Variants in DOCK3 observed in about 807,000 individuals in gnomAD.
DOCK3 encodes dedicator of cytokinesis protein 3.
Under a neutral mutation model 265.6 loss-of-function variants are expected in DOCK3, and 60 were observed. The observed-to-expected ratio is 0.23, with a 90% confidence interval of 0.18 to 0.28. The LOEUF (loss-of-function observed/expected upper bound fraction) is 0.28. DOCK3 is among the 10% of genes least tolerant of loss of function. The pLI is 1.00. For missense variants in DOCK3, 1,981 were observed against 2,594.3 expected (o/e 0.76, Z 5.14); for synonymous variants, 881 against 938.0 (o/e 0.94, Z 1.11).
intron 21 of DOCK3, among the ~76,000 whole-genome samples, chr3:51,239,268 G>A (rs2078489915): frequency 6.6e-6 from 1 of 151,038 alleles, no homozygotes; most frequent in Non-Finnish European, 1.5e-5. Flanking sequence ...GGAGTAGAGT[G>A]GCGCAATCTT....
intron 1 of DOCK3, among the ~76,000 whole-genome samples, chr3:50,735,060 A>G (rs2108164442): frequency 6.6e-6 from 1 of 152,260 alleles, no homozygotes; most frequent in Admixed American, 6.5e-5. Flanking sequence ...CCTTTGTTTC[A>G]GAAAGACAGC....
chr3:51,140,815 A>C (rs1222099382), intron 9 of DOCK3, among the ~76,000 whole-genome samples: 1 of 152,108 alleles, frequency 6.6e-6, no homozygotes, highest in Non-Finnish European at 1.5e-5. Context: ...TGGTACCCTC[A>C]TTGTGCTTTT....
intron 4 of DOCK3, among the ~76,000 whole-genome samples, chr3:50,894,555 A>G (rs2048802380): frequency 6.6e-6 from 1 of 152,178 alleles, no homozygotes; most frequent in Admixed American, 6.6e-5. Flanking sequence ...AGGCAAATAT[A>G]TACACATATA....
chr3:51,292,161 A>AT lies in DOCK3; in HGVS notation c.2922+11965dup, dbSNP rs1311453956. Among the ~76,000 whole-genome samples the AT allele has an allele frequency of 9.2e-5, 14 of 152,190 alleles. No homozygotes were observed. In the East Asian group the frequency reaches 2.5e-3, roughly 27 times the overall value. On this transcript the variant is annotated intron_variant, in intron 27 of 52. Transcript: ENST00000266037. ...CACTCAACAGTGAAAAACTGAAAGC[A>AT]TTTTTTTTAAGATCAGGAACAAGAC...
At position 51,380,173 on chromosome 3, in the gene DOCK3, C is replaced by G; in HGVS notation, c.5549C>G (p.Thr1850Ser). 1 of 1,606,210 alleles carries G rather than the reference C, an allele frequency of 6.2e-7. No individual in the cohort carries two copies. Among genetic ancestry groups the G allele is most frequent in the Non-Finnish European group, 8.5e-7 (1 of 1,174,652 alleles). The change falls in exon 52 of 53, where the codon ACC becomes AGC. Residue 1850 changes from threonine (T) to serine (S), a missense_variant. By Grantham distance (58) the Thr-to-Ser change is moderately conservative. This residue lies in a region of DOCK3 where 1,357 missense variants were observed against 1,866.8 expected (regional missense o/e 0.73). Transcript: ENST00000266037. ...GCCTTCCACCACCCTCTGGGTGATACCCCCCCAGCCCTCCCTGCCCGGACC... is the reference window on the plus strand; with the variant it reads ...GCCTTCCACCACCCTCTGGGTGATAGCCCCCCAGCCCTCCCTGCCCGGACC... ...FDAFHHPLGD[T>S]PPALPARTLR...
chr3:50,786,066 A>G lies in DOCK3; in HGVS notation c.121+7308A>G, dbSNP rs146350625. Among the ~76,000 whole-genome samples the G allele has an allele frequency of 5.4e-3, 822 of 151,222 alleles. 4 individuals carry two copies. Among genetic ancestry groups the G allele is most frequent in the Middle Eastern group, 0.014 (4 of 286 alleles). On this transcript the variant is annotated intron_variant, in intron 2 of 52. Transcript: ENST00000266037. ...GTCGTGTATTTCCAGAAATTTGTCC[A>G]TCTCTAGGTTTTCTAGTTTGTGCCC...
intron 1 of DOCK3, among the ~76,000 whole-genome samples, chr3:50,688,527 A>G (rs369104536): frequency 6.7e-4 from 102 of 152,198 alleles, no homozygotes; most frequent in African/African-American, 2.4e-3. Flanking sequence ...CAGTGGTGCA[A>G]TCTCGGCTCG....
intron 1 of DOCK3, among the ~76,000 whole-genome samples, chr3:50,760,186 A>G (rs1288034947): frequency 6.6e-6 from 1 of 152,098 alleles, no homozygotes; most frequent in African/African-American, 2.4e-5. Context: ...ATGCTGTGAG[A>G]TAAGGGTCCA....
chr3:50,764,594 A>G (rs1388414996), intron 1 of DOCK3, among the ~76,000 whole-genome samples: 1 of 152,140 alleles, frequency 6.6e-6, no homozygotes, highest in African/African-American at 2.4e-5. Flanking sequence ...ACTGTTTATA[A>G]CCCTTTCTAC....
At chr3:50,932,287 A>G (rs1195355009) in intron 4 of DOCK3, among the ~76,000 whole-genome samples, 1 of 152,240 alleles carries the variant, frequency 6.6e-6, no homozygotes, top group East Asian at 1.9e-4. Flanking sequence ...GCTCAATTTT[A>G]CTGCACTGAG....
chr3:50,936,383 T>A (rs6446238), intron 5 of DOCK3, among the ~76,000 whole-genome samples: 148,703 of 149,480 alleles, frequency 0.99, 73,965 homozygotes, highest in South Asian at 1. Flanking sequence ...CAAAAAAAAA[T>A]TTTTTTTTTT....
chr3:50,796,884 T>A (rs1035811758), intron 2 of DOCK3, among the ~76,000 whole-genome samples: 1 of 152,106 alleles, frequency 6.6e-6, no homozygotes, highest in Non-Finnish European at 1.5e-5. Context: ...TCACAACTTC[T>A]GGGCTGCATG....
intron 9 of DOCK3, among the ~76,000 whole-genome samples, chr3:51,139,032 C>T (rs762228994): frequency 6.6e-6 from 1 of 152,128 alleles, no homozygotes; most frequent in Admixed American, 6.6e-5. Flanking sequence ...CCTTCATCCA[C>T]ACATTCATTT....
chr3:50,752,276 C>T (rs760935981), intron 1 of DOCK3, among the ~76,000 whole-genome samples: 12 of 151,896 alleles, frequency 7.9e-5, no homozygotes, highest in African/African-American at 2.7e-4. Context: ...TTTGGGAGGC[C>T]GAGGCAGGCG....
chr3:51,212,847 C>G (rs1224203162), intron 13 of DOCK3, among the ~76,000 whole-genome samples: 4 of 152,122 alleles, frequency 2.6e-5, no homozygotes. Context: ...GTTAATGACA[C>G]TTGAGATACC....
At chr3:51,346,021 C>G (rs774546126) in intron 38 of DOCK3, among the ~76,000 whole-genome samples, 1 of 152,074 alleles carries the variant, frequency 6.6e-6, no homozygotes, top group Non-Finnish European at 1.5e-5. Flanking sequence ...CTTCTAGTCT[C>G]TCTACTTTTC....
intron 6 of DOCK3, among the ~76,000 whole-genome samples, chr3:51,072,397 C>G (rs541756320): frequency 1.3e-5 from 2 of 152,204 alleles, no homozygotes; most frequent in East Asian, 3.9e-4. Flanking sequence ...ATTTCTTAAA[C>G]TGTTGTTTCT....
At chr3:50,826,436 C>T (rs2044761115) in intron 2 of DOCK3, among the ~76,000 whole-genome samples, 1 of 152,094 alleles carries the variant, frequency 6.6e-6, no homozygotes, top group Non-Finnish European at 1.5e-5. Context: ...TGCAGTGAAC[C>T]ATAAGGTCAG....
At chr3:50,728,370 TAAAC>T (rs1246479592) in intron 1 of DOCK3, among the ~76,000 whole-genome samples, 3 of 152,074 alleles carry the variant, frequency 2.0e-5, no homozygotes, top group Non-Finnish European at 2.9e-5. Flanking sequence ...AAGAAAAACT[TAAAC>T]AATCTAAGCT....
Sources: gnomAD v4.1 joint callset for allele counts (sites outside exome capture counted in the v4.1 genomes callset) on GRCh38, gnomAD v4.1.1 for gene constraint, gnomAD v4.1.1 regional missense constraint, MANE v1.5 for transcripts, NCBI Gene and HGNC (gene_info 2026-07-23, HGNC 2026-07-21) for gene names.